Variants in PLXNA1 observed in about 807,000 individuals in gnomAD.
The protein encoded by PLXNA1 is plexin-A1.
Under a neutral mutation model 191.7 loss-of-function variants are expected in PLXNA1, and 77 were observed. That is an observed-to-expected ratio of 0.40 (90% CI 0.33 to 0.49). The LOEUF is 0.49. Ranked by LOEUF, PLXNA1 falls within the 20% of genes least tolerant of loss-of-function variation. PLXNA1 has a pLI of 0.63. For missense variants in PLXNA1, 2,110 were observed against 2,660.2 expected (o/e 0.79, Z 4.55); for synonymous variants, 1,137 against 1,156.4 (o/e 0.98, Z 0.34).
chr3:127,028,948 A>T lies in PLXNA1; in HGVS notation c.4670-45A>T, dbSNP rs555484591. The T allele has an allele frequency of 1.0e-3, 1,525 of 1,480,604 alleles. 16 individuals are homozygous for T. In the South Asian group the frequency reaches 0.015, roughly 15 times the overall value. The allele number at this position is 1,480,604 out of a possible 1,614,324, so 91.7% of individuals were successfully genotyped here. On this transcript the variant is annotated intron_variant, in intron 25 of 31. Transcript: ENST00000393409. ...CTACACTGCTGTGATGGAGGAGGGA[A>T]AGAGGGCCCCAGCGGCCCCACCCTC...
chr3:126,984,731 G>T (rs2078949010), intron 1 of PLXNA1, among the ~76,000 whole-genome samples: 1 of 152,212 alleles, frequency 6.6e-6, no homozygotes, highest in Admixed American at 6.5e-5. Context: ...CACATGAGGT[G>T]CCTGTGGACA....
intron 27 of PLXNA1, 89 bp downstream of exon 27, chr3:127,029,625 G>T: frequency 7.2e-7 from 1 of 1,382,946 alleles, no homozygotes; most frequent in Non-Finnish European, 1.0e-6. Context: ...GCAGCAGCCG[G>T]ACGGGAGGAC....
chr3:127,022,444 C>T (rs1487839598), intron 22 of PLXNA1, 103 bp downstream of exon 22: 17 of 1,444,476 alleles, frequency 1.2e-5, no homozygotes, highest in South Asian at 1.2e-4. Context: ...CAGTTCCCAC[C>T]GGGCAGGGGT....
chr3:126,986,315 TC>T, intron 1 of PLXNA1, among the ~76,000 whole-genome samples: 1 of 152,214 alleles, frequency 6.6e-6, no homozygotes. Flanking sequence ...TGGGGACTCC[TC>T]CCCTGCTGTT....
At chr3:127,024,916 T>C (rs894045452) in intron 23 of PLXNA1, among the ~76,000 whole-genome samples, 2 of 152,170 alleles carry the variant, frequency 1.3e-5, no homozygotes. Context: ...ATAGATGTTA[T>C]TGTTTAGAGC....
At chr3:127,017,956 A>G in intron 19 of PLXNA1, 64 bp downstream of exon 19, 1 of 1,587,726 alleles carries the variant, frequency 6.3e-7, no homozygotes, top group Non-Finnish European at 8.5e-7. Flanking sequence ...ACCCTGCCCC[A>G]CTAGCACAGC....
At chr3:127,023,397 G>T (rs753795771) in intron 23 of PLXNA1, among the ~76,000 whole-genome samples, 4 of 152,344 alleles carry the variant, frequency 2.6e-5, no homozygotes, top group Middle Eastern at 3.4e-3. Flanking sequence ...GACTTTTACA[G>T]ACTCAGGTAT....
At chr3:127,020,088 C>A in intron 20 of PLXNA1, 114 bp from the exon 21 acceptor site, 1 of 1,352,132 alleles carries the variant, frequency 7.4e-7, no homozygotes, top group South Asian at 1.3e-5. Flanking sequence ...CTTAAGATCA[C>A]GAAACCAGTA....
chr3:126,985,500 C>T (rs867367225), intron 1 of PLXNA1, among the ~76,000 whole-genome samples: 1 of 151,952 alleles, frequency 6.6e-6, no homozygotes, highest in Non-Finnish European at 1.5e-5. Context: ...TTCTGCCCCC[C>T]ACCCCCACCA....
At position 126,989,533 on chromosome 3, in the gene PLXNA1, G is replaced by A. The variant is rs1559953008; in HGVS notation, c.940G>A (p.Asp314Asn). Residue 314 changes from aspartate to asparagine, a missense_variant, in exon 2 of 32, where the codon GAT becomes AAT. Physicochemically the swap from Asp to Asn is conservative, Grantham distance 23. Transcript: ENST00000393409. ...QAGVEYRLVQ[D>N]AYLSRPGRAL... ...GGGTGTGGAGTACCGCCTGGTGCAG[G>A]ATGCCTACCTGAGCCGGCCCGGCCG... 2 of 1,613,330 alleles carry A rather than the reference G, an allele frequency of 1.2e-6. No individual in the cohort carries two copies. The highest frequency in any genetic ancestry group is 1.7e-6 in the Non-Finnish European group (2 of 1,180,038).
At chr3:127,015,111 C>T in intron 14 of PLXNA1, 73 bp from the exon 15 acceptor site, 1 of 1,547,378 alleles carries the variant, frequency 6.5e-7, no homozygotes. Context: ...GTAAGCAGGC[C>T]AAGTGGGGCC....
At chr3:127,004,770 G>A (rs1462424189) in intron 5 of PLXNA1, 59 bp downstream of exon 5, 1 of 1,590,192 alleles carries the variant, frequency 6.3e-7, no homozygotes, top group Non-Finnish European at 8.6e-7. Context: ...CTCACAGTGG[G>A]GGAGGGGGAG....
intron 23 of PLXNA1, among the ~76,000 whole-genome samples, chr3:127,024,708 C>T (rs188130014): frequency 3.8e-4 from 58 of 152,202 alleles, no homozygotes; most frequent in Non-Finnish European, 7.2e-4. Flanking sequence ...AGGAGGACCC[C>T]TATATATGCA....
intron 27 of PLXNA1, 106 bp from the exon 28 acceptor site, chr3:127,029,768 C>T (rs888415769): frequency 7.4e-7 from 1 of 1,351,290 alleles, no homozygotes; most frequent in East Asian, 2.5e-5. Context: ...GCCCCAAAAT[C>T]CCACATGGGT....
At position 127,029,553 on chromosome 3, in the gene PLXNA1, C is replaced by T. The variant is rs376007353; in HGVS notation, c.4870+17C>T. The T allele has an allele frequency of 4.3e-5, 70 of 1,610,076 alleles. No individual in the cohort carries two copies. The African/African-American group carries it at 6.0e-4, about 14-fold the overall frequency. Reference sequence around the variant, plus strand: ...GCAGATACGGTGAGGGGCCAGGCAGCGGGCGAGAGGGCAGCGCATGGGTCC... The same window carrying T: ...GCAGATACGGTGAGGGGCCAGGCAGTGGGCGAGAGGGCAGCGCATGGGTCC... On this transcript the variant is annotated intron_variant, in intron 27 of 31. Transcript: ENST00000393409.
At chr3:126,991,245 T>C in intron 2 of PLXNA1, 139 bp from the exon 3 acceptor site, 2 of 865,392 alleles carry the variant, frequency 2.3e-6, no homozygotes, top group Non-Finnish European at 3.5e-6. Context: ...TCTTAAACCC[T>C]CTCTGTCTGC....
In PLXNA1 at chr3:127,020,314, C is replaced by T. The variant is rs150756697; in HGVS notation, c.4008C>T (p.Ile1336=). The T allele has an allele frequency of 4.5e-5, 72 of 1,612,926 alleles. No homozygotes were observed. The African/African-American group carries it at 5.9e-4, about 13-fold the overall frequency. ...TYAMRVLFPG[I]EDHPVLKEME... ...CCATGCGGGTGCTCTTTCCTGGGATCGAGGACCACCCTGTGCTCAAGGAGA... is the reference window on the plus strand; with the variant it reads ...CCATGCGGGTGCTCTTTCCTGGGATTGAGGACCACCCTGTGCTCAAGGAGA... The change falls in exon 21 of 32, where the codon ATC becomes ATT. Residue 1336 remains isoleucine, a synonymous_variant. Coordinates refer to ENST00000393409, the MANE Select transcript of PLXNA1 (RefSeq NM_032242.4).
chr3:127,016,176 G>T (rs575028471), intron 15 of PLXNA1, among the ~76,000 whole-genome samples: 1 of 152,188 alleles, frequency 6.6e-6, no homozygotes, highest in South Asian at 2.1e-4. Context: ...TACTGCCTCT[G>T]GGGAGGCAGA....
intron 7 of PLXNA1, among the ~76,000 whole-genome samples, chr3:127,005,683 C>T (rs564425488): frequency 5.8e-5 from 7 of 120,604 alleles, no homozygotes; most frequent in South Asian, 5.6e-4. Flanking sequence ...TGGGGTCTTG[C>T]GGGGGGCTGC....
Sources: gnomAD v4.1 joint callset for allele counts (sites outside exome capture counted in the v4.1 genomes callset) on GRCh38, gnomAD v4.1.1 for gene constraint, MANE v1.5 for transcripts, NCBI Gene and HGNC (gene_info 2026-07-23, HGNC 2026-07-21) for gene names.